The following DSCAM variants were observed in gnomAD, a reference collection of about 807,000 sequenced individuals.
DSCAM encodes DS cell adhesion molecule, also known as cell adhesion molecule DSCAM.
DSCAM carries 47 observed loss-of-function variants against 217.7 expected under a neutral mutation model. The ratio of observed to expected loss-of-function variants is 0.22; its 90% CI spans 0.17 to 0.28. DSCAM has a LOEUF of 0.28. Ranked by LOEUF, DSCAM falls within the 10% of genes least tolerant of loss-of-function variation. The probability of loss-of-function intolerance (pLI) is 1.00; values close to 1 mark genes in which losing one functional copy is unlikely to be tolerated. For missense variants in DSCAM, 2,080 were observed against 2,618.3 expected (o/e 0.79, Z 4.49); for synonymous variants, 1,056 against 1,015.3 (o/e 1.04, Z -0.76).
intron 3 of DSCAM, among the ~76,000 whole-genome samples, chr21:40,379,201 G>A (rs1484712211): frequency 6.6e-6 from 1 of 152,156 alleles, no homozygotes; most frequent in East Asian, 1.9e-4. Context: ...GGAAGGGGAG[G>A]AGAAATTATG....
chr21:40,241,182 A>G (rs1227049484), intron 11 of DSCAM, among the ~76,000 whole-genome samples: 1 of 152,216 alleles, frequency 6.6e-6, no homozygotes, highest in African/African-American at 2.4e-5. Flanking sequence ...AAAAGAAACT[A>G]TCAACAGAGT....
At chr21:40,648,267 ACACACACACACACACT>A (rs1157495466) in intron 3 of DSCAM, among the ~76,000 whole-genome samples, 1 of 149,058 alleles carries the variant, frequency 6.7e-6, no homozygotes, top group African/African-American at 2.6e-5. Context: ...ACACACACAC[ACACACACACACACACT>A]CACACACTGC....
At chr21:40,153,123 G>T (rs1338856788) in intron 16 of DSCAM, among the ~76,000 whole-genome samples, 1 of 152,132 alleles carries the variant, frequency 6.6e-6, no homozygotes, top group African/African-American at 2.4e-5. Context: ...TCATCTTTGT[G>T]CGTTTTCTGC....
intron 3 of DSCAM, among the ~76,000 whole-genome samples, chr21:40,607,400 ATTTTTTTTTT>A (rs58893055): frequency 8.3e-6 from 1 of 121,154 alleles, no homozygotes; most frequent in African/African-American, 3.0e-5. Flanking sequence ...TTTAATTCTG[ATTTTTTTTTT>A]TTTTTTTTTT....
chr21:40,559,253 T>A (rs989341283), intron 3 of DSCAM, among the ~76,000 whole-genome samples: 13 of 151,474 alleles, frequency 8.6e-5, no homozygotes, highest in African/African-American at 2.4e-4. Flanking sequence ...GGGCAGGAGA[T>A]TGAGACCATC....
intron 3 of DSCAM, among the ~76,000 whole-genome samples, chr21:40,676,300 TC>T (rs2090336914): frequency 6.6e-6 from 1 of 152,172 alleles, no homozygotes; most frequent in African/African-American, 2.4e-5. Context: ...TTCAGGACCA[TC>T]AACTAAGCAT....
intron 11 of DSCAM, among the ~76,000 whole-genome samples, chr21:40,209,437 C>G (rs566041746): frequency 6.6e-6 from 1 of 152,328 alleles, no homozygotes; most frequent in South Asian, 2.1e-4. Flanking sequence ...CTTTTCCACT[C>G]TTACCCTTGC....
chr21:40,676,718 G>T (rs1232077354), intron 3 of DSCAM, among the ~76,000 whole-genome samples: 1 of 152,106 alleles, frequency 6.6e-6, no homozygotes, highest in Non-Finnish European at 1.5e-5. Flanking sequence ...AATCCTTGTG[G>T]ATCATTTAAA....
At chr21:40,197,162 A>G (rs572111323) in intron 11 of DSCAM, among the ~76,000 whole-genome samples, 4 of 151,778 alleles carry the variant, frequency 2.6e-5, no homozygotes, top group African/African-American at 7.3e-5. Context: ...TCTGTGGCCC[A>G]GGCTGGAGTG....
intron 1 of DSCAM, among the ~76,000 whole-genome samples, chr21:40,754,611 G>T (rs949005499): frequency 6.6e-6 from 1 of 152,166 alleles, no homozygotes; most frequent in Non-Finnish European, 1.5e-5. Flanking sequence ...GTCACTGGCC[G>T]TGGCTGCTCT....
intron 3 of DSCAM, among the ~76,000 whole-genome samples, chr21:40,562,947 G>C (rs926659851): frequency 6.6e-6 from 1 of 152,158 alleles, no homozygotes; most frequent in Non-Finnish European, 1.5e-5. Context: ...CAAAAACAAA[G>C]CATCTTATAT....
chr21:40,609,351 CAGA>C (rs1206811052), intron 3 of DSCAM, among the ~76,000 whole-genome samples: 3 of 152,158 alleles, frequency 2.0e-5, no homozygotes, highest in Admixed American at 1.3e-4. Flanking sequence ...TTTTCAATGC[CAGA>C]AGAAGCAATT....
chr21:40,119,789 T>C (rs770282235), intron 20 of DSCAM, among the ~76,000 whole-genome samples: 3 of 151,940 alleles, frequency 2.0e-5, no homozygotes, highest in Non-Finnish European at 4.4e-5. Flanking sequence ...GACGTTTTAA[T>C]ACAGCCAGGA....
chr21:40,169,334 T>A (rs2090631150), intron 15 of DSCAM, among the ~76,000 whole-genome samples: 1 of 151,968 alleles, frequency 6.6e-6, no homozygotes, highest in South Asian at 2.1e-4. Context: ...AATGGGAACA[T>A]GAAGGAGAGA....
Position 40,042,456 on chromosome 21 carries a change from T to G in DSCAM, c.5601A>C (p.Gly1867=). The G allele has an allele frequency of 1.2e-6, 2 of 1,614,166 alleles. No individual in the cohort carries two copies. Among genetic ancestry groups the G allele is most frequent in the Non-Finnish European group, 1.7e-6 (2 of 1,180,018 alleles). ...SLTSSTPSES[G]ICRFTASPPK... ...GGGGAGATGCAGTGAACCTGCAGAT[T>G]CCCGATTCGGAAGGGGTGCTGGAGG... The change falls in exon 32 of 33, where the codon GGA becomes GGC. Residue 1867 remains glycine, a synonymous_variant. Transcript: ENST00000400454.
chr21:40,494,910 T>A (rs2076105950), intron 3 of DSCAM, among the ~76,000 whole-genome samples: 1 of 145,034 alleles, frequency 6.9e-6, no homozygotes, highest in African/African-American at 2.5e-5. Context: ...AGGAGAAACA[T>A]TACACCTGAT....
chr21:40,669,738 C>T (rs1011914298), intron 3 of DSCAM, among the ~76,000 whole-genome samples: 1 of 151,858 alleles, frequency 6.6e-6, no homozygotes, highest in African/African-American at 2.4e-5. Flanking sequence ...GCCACCACGC[C>T]TGGTTAATTT....
At chr21:40,134,643 G>C (rs113807870) in intron 18 of DSCAM, among the ~76,000 whole-genome samples, 2,765 of 152,212 alleles carry the variant, frequency 0.018, 44 homozygotes, top group Non-Finnish European at 0.029. Context: ...GTATCATTTG[G>C]GGGTGGAGGA....
At chr21:40,380,932 G>A (rs1014181237) in intron 3 of DSCAM, among the ~76,000 whole-genome samples, 3 of 151,858 alleles carry the variant, frequency 2.0e-5, no homozygotes, top group Non-Finnish European at 2.9e-5. Flanking sequence ...GCGTGGTGGC[G>A]GGCGCCTGTA....
Sources: gnomAD v4.1 joint callset for allele counts (sites outside exome capture counted in the v4.1 genomes callset) on GRCh38, gnomAD v4.1.1 for gene constraint, MANE v1.5 for transcripts, NCBI Gene and HGNC (gene_info 2026-07-23, HGNC 2026-07-21) for gene names.